CSNK1D: variants seen among roughly 807,000 people sequenced by gnomAD.
CSNK1D encodes casein kinase 1 delta, also known as casein kinase I isoform delta.
Under a neutral mutation model 46.6 loss-of-function variants are expected in CSNK1D, and 16 were observed. The observed-to-expected ratio is 0.34, with a 90% CI of 0.23 to 0.52. CSNK1D has a LOEUF of 0.52. Among genes scored for constraint, CSNK1D ranks in the 20% least tolerant of loss-of-function variants. CSNK1D has a pLI of 0.95. For synonymous variants in CSNK1D, 276 were observed against 228.2 expected, an observed-to-expected ratio of 1.21 and a Z score of -1.89; for missense variants, 398 against 578.4, an observed-to-expected ratio of 0.69 and a Z score of 3.20.
intron 1 of CSNK1D, chr17:82,272,444 A>G (rs1056741663): frequency 2.6e-5 from 4 of 152,290 alleles, no homozygotes; most frequent in African/African-American, 9.7e-5. Flanking sequence ...GACACAACCC[A>G]AAACCTTCTA....
intron 1 of CSNK1D, among the ~76,000 whole-genome samples, chr17:82,267,852 CTGGGGCCGATGGCT>C (rs768368592): frequency 2.0e-5 from 3 of 152,216 alleles, no homozygotes; most frequent in African/African-American, 4.8e-5. Flanking sequence ...ACCCCATGGC[CTGGGGCCGATGGCT>C]TGGGGCCACA....
chr17:82,253,429 C>T, intron 3 of CSNK1D, 185 bp from the exon 4 acceptor site: 1 of 633,406 alleles, frequency 1.6e-6, no homozygotes, highest in Admixed American at 2.1e-5. Context: ...TGCAGCAACC[C>T]TCCACACTCC....
At chr17:82,259,501 A>G (rs1286823151) in intron 2 of CSNK1D, among the ~76,000 whole-genome samples, 1 of 152,224 alleles carries the variant, frequency 6.6e-6, no homozygotes, top group East Asian at 1.9e-4. Flanking sequence ...ACCACCTTGG[A>G]AAAATCGATA....
chr17:82,269,096 T>TAAAAAA (rs766007194), intron 1 of CSNK1D, among the ~76,000 whole-genome samples: 2 of 105,390 alleles, frequency 1.9e-5, no homozygotes, highest in Non-Finnish European at 1.9e-5. Flanking sequence ...TACTTTGTCT[T>TAAAAAA]AAAAAAAAAA....
chr17:82,260,302 TTGACTGATGGTGTACTGAGTGATG>T (rs796417865), intron 2 of CSNK1D, among the ~76,000 whole-genome samples: 80 of 118,122 alleles, frequency 6.8e-4, no homozygotes, highest in Admixed American at 1.8e-3. Context: ...TGATAGTGTA[TTGACTGATGGTGTACTGAGTGATG>T]TGACTGATGG....
chr17:82,243,172 C>G lies in CSNK1D; in HGVS notation c.*1609G>C. The G allele has an allele frequency of 1.0e-6, 1 of 985,664 alleles. No individual in the cohort carries two copies. Among genetic ancestry groups the G allele is most frequent in the Non-Finnish European group, 1.2e-6 (1 of 830,094 alleles). 61.1% of individuals were successfully genotyped at this position (985,664 alleles called of 1,614,324 possible). ...TTGAGAAAGCATCCATGGGCTCAGG[C>G]AGACGGCCAGCCAGCTGGTGGGGGG... On this transcript the variant is annotated 3_prime_UTR_variant, in exon 9 of 9. Transcript: ENST00000314028.
rs977884042 is a variant in CSNK1D, at chr17:82,246,410, C to T, written c.1198-1579G>A. ...GGGGAGACGCACATCCTCGCCGGTA[C>T]GACGACAGGGCTCAGGCCTAGTCCT... On this transcript the variant is annotated intron_variant, in intron 8 of 8. Transcript: ENST00000314028. 1.9e-5 allele frequency: 23 copies of T among 1,212,614 alleles called. No homozygotes were observed. In the African/African-American group the frequency reaches 3.0e-4, roughly 16 times the overall value. 75.1% of individuals were successfully genotyped at this position (1,212,614 alleles called of 1,614,324 possible).
rs2050774055 is a variant in CSNK1D, at chr17:82,243,349, CACAG to C, written c.*1428_*1431del. 2.0e-6 allele frequency: 2 copies of C among 985,520 alleles called. No homozygotes were observed. The highest frequency in any genetic ancestry group is 9.4e-5 in the South Asian group (2 of 21,294). The allele number at this position is 985,520 out of a possible 1,614,324, so 61.0% of individuals were successfully genotyped here. A position where few individuals can be genotyped will look rare whatever the true frequency, so the allele number is the denominator to read the frequency against. ...GGGGTCCAGCCGAAGTGCCCACGAA[CACAG>C]ACTGCCCTGCGCATTGGGGTTGGGA... On this transcript the variant is annotated 3_prime_UTR_variant, in exon 9 of 9. Transcript: ENST00000314028.
chr17:82,246,008 T>A (rs1455168114), intron 8 of CSNK1D: 1 of 1,610,494 alleles, frequency 6.2e-7, no homozygotes, highest in Admixed American at 1.7e-5. Flanking sequence ...GACGAGCAGC[T>A]ACTTGCCGTG....
chr17:82,240,517 G>A (rs1447218777), downstream of CSNK1D, among the ~76,000 whole-genome samples: 1 of 152,192 alleles, frequency 6.6e-6, no homozygotes, highest in African/African-American at 2.4e-5. Flanking sequence ...GTACTGGCAG[G>A]GAGGTCATGG....
At position 82,249,790 on chromosome 17, in the gene CSNK1D, G is replaced by T. The variant is rs1020300662; in HGVS notation, c.886-188C>A. 9 of 1,447,182 alleles carry T rather than the reference G, an allele frequency of 6.2e-6. No homozygotes were observed. The highest frequency in any genetic ancestry group is 7.2e-6 in the Non-Finnish European group (8 of 1,104,084). The allele number at this position is 1,447,182 out of a possible 1,614,324, so 89.6% of individuals were successfully genotyped here. On this transcript the variant is annotated intron_variant, in intron 6 of 8. Coordinates refer to ENST00000314028, the MANE Select transcript of CSNK1D (RefSeq NM_001893.6). This position sits in a 1 kb window ranked among gnomAD's most constrained non-coding sequence, Gnocchi z 6.7. Reference sequence around the variant, plus strand: ...ACAGCATCATCCCCACAAGGGGTCAGAGCCAGGCCTCTCAGCTCCCCCAAC... The same window carrying T: ...ACAGCATCATCCCCACAAGGGGTCATAGCCAGGCCTCTCAGCTCCCCCAAC...
downstream of CSNK1D, among the ~76,000 whole-genome samples, chr17:82,242,316 A>C (rs2050752093): frequency 6.6e-6 from 1 of 152,000 alleles, no homozygotes; most frequent in African/African-American, 2.4e-5. Context: ...CCTGAGCACC[A>C]CGGCCCTATG....
chr17:82,253,249 G>A lies in CSNK1D; in HGVS notation c.337-5C>T, dbSNP rs753121531. The A allele has an allele frequency of 3.1e-6, 5 of 1,613,214 alleles. No individual in the cohort carries two copies. In the South Asian group the frequency reaches 5.5e-5, roughly 18 times the overall value. On this transcript the variant is annotated splice_region_variant and splice_polypyrimidine_tract_variant and intron_variant, in intron 3 of 8. Transcript: ENST00000314028. ...AATGTATTCGATGCGACTGATCTGTGAGCAGAGCAAGGGCGCGAGATGGCA... is the reference window on the plus strand; with the variant it reads ...AATGTATTCGATGCGACTGATCTGTAAGCAGAGCAAGGGCGCGAGATGGCA...
At chr17:82,269,639 C>T (rs1184157329) in intron 1 of CSNK1D, among the ~76,000 whole-genome samples, 1 of 152,236 alleles carries the variant, frequency 6.6e-6, no homozygotes, top group Non-Finnish European at 1.5e-5. Context: ...GGATCAAGTA[C>T]AGATGCCAAC....
chr17:82,244,657 G>T lies in CSNK1D; in HGVS notation c.*124C>A. ...CCCCACGAGCGTCGCTGGGTGAGTG[G>T]CCTGGAGAGCTCCCGGTGTTAACAT... is the stretch of plus-strand genomic sequence containing the variant. On this transcript the variant is annotated 3_prime_UTR_variant, in exon 9 of 9. Transcript: ENST00000314028. 6.4e-7 allele frequency: 1 copy of T among 1,565,694 alleles called. No individual in the cohort carries two copies. The highest frequency in any genetic ancestry group is 1.2e-5 in the South Asian group (1 of 86,490).
chr17:82,239,788 T>A, downstream of CSNK1D: 1 of 396,118 alleles, frequency 2.5e-6, no homozygotes, highest in Non-Finnish European at 4.4e-6. Flanking sequence ...CTGCCTTCCC[T>A]TTTTCGCCCC....
chr17:82,244,350 T>G lies in CSNK1D; in HGVS notation c.*431A>C. 1 of 1,104,580 alleles carries G rather than the reference T, an allele frequency of 9.1e-7. No individual in the cohort carries two copies. Among genetic ancestry groups the G allele is most frequent in the African/African-American group, 1.6e-5 (1 of 61,486 alleles). The allele number at this position is 1,104,580 out of a possible 1,614,324, so 68.4% of individuals were successfully genotyped here. ...GACTGCAAAAACAGACAAGAAACAA[T>G]AAAAAGACAGATTTTCTTTACACAG... On this transcript the variant is annotated 3_prime_UTR_variant, in exon 9 of 9. Transcript: ENST00000314028.
At position 82,248,660 on chromosome 17, in the gene CSNK1D, C is replaced by T. The variant is rs971649975; in HGVS notation, c.1197+215G>A. ...CCTGAGACCTGAGACTGGCCACCTG[C>T]AACCAGGAGACAAGCCCCATGACGG... On this transcript the variant is annotated intron_variant, in intron 8 of 8. Coordinates refer to ENST00000314028, the MANE Select transcript of CSNK1D (RefSeq NM_001893.6). The surrounding 1 kb of genome is among the most constrained non-coding windows in gnomAD (Gnocchi z 4.1). 3.1e-5 allele frequency: 43 copies of T among 1,399,592 alleles called. No individual in the cohort carries two copies. In the East Asian group the frequency reaches 9.1e-4, roughly 30 times the overall value. The allele number at this position is 1,399,592 out of a possible 1,614,324, so 86.7% of individuals were successfully genotyped here.
chr17:82,252,459 G>A lies in CSNK1D; in HGVS notation c.711C>T (p.Ile237=), dbSNP rs1309058316. The A allele has an allele frequency of 4.3e-6, 7 of 1,613,964 alleles. No homozygotes were observed. The highest frequency in any genetic ancestry group is 1.3e-5 in the African/African-American group (1 of 74,902). ...RISEKKMSTP[I]EVLCKGYPSE... is the part of the protein sequence containing the mutation. ...AAGGGTAGCCTTTACACAACACTTC[G>A]ATGGGGGTGGACATTTTCTTCTCGC... The change falls in exon 5 of 9, where the codon ATC becomes ATT. Residue 237 remains isoleucine, a synonymous_variant. Transcript: ENST00000314028. The surrounding 1 kb of genome is among the most constrained non-coding windows in gnomAD (Gnocchi z 4.6).
Sources: allele counts gnomAD v4.1 joint callset (sites outside exome capture counted in the v4.1 genomes callset), GRCh38; gene constraint gnomAD v4.1.1; non-coding constraint Gnocchi (gnomAD v3.1); transcripts MANE v1.5; gene names NCBI Gene and HGNC (gene_info 2026-07-23, HGNC 2026-07-21).